Variants in RBM33 observed in about 807,000 individuals in gnomAD.
RBM33 encodes RNA binding motif protein 33, also known as RNA-binding protein 33.
A neutral mutation model predicts 132.6 loss-of-function variants in RBM33; 28 were observed. That is an observed-to-expected ratio of 0.21 (90% CI 0.16 to 0.29). The LOEUF is 0.29. Among genes scored for constraint, RBM33 ranks in the 10% least tolerant of loss-of-function variants. The probability of loss-of-function intolerance (pLI) is 1.00; values close to 1 mark genes in which losing one functional copy is unlikely to be tolerated. For missense variants in RBM33, 1,291 were observed against 1,518.5 expected, an observed-to-expected ratio of 0.85 and a Z score of 2.49; for synonymous variants, 634 against 593.0, an observed-to-expected ratio of 1.07 and a Z score of -1.01.
intron 1 of RBM33, among the ~76,000 whole-genome samples, chr7:155,652,500 G>A (rs1313009620): frequency 6.6e-6 from 1 of 152,204 alleles, no homozygotes; most frequent in African/African-American, 2.4e-5. Flanking sequence ...AATAGTCTAT[G>A]TGGTATCTTA....
chr7:155,673,796 A>ACACACACC (rs1799074511), intron 3 of RBM33, among the ~76,000 whole-genome samples: 1 of 142,800 alleles, frequency 7.0e-6, no homozygotes, highest in Admixed American at 6.8e-5. Context: ...ACACACACAC[A>ACACACACC]CACACCCCTA....
At chr7:155,708,519 G>T (rs1308323110) in intron 7 of RBM33, among the ~76,000 whole-genome samples, 1 of 152,216 alleles carries the variant, frequency 6.6e-6, no homozygotes, top group Non-Finnish European at 1.5e-5. Context: ...AAGAAGGGAA[G>T]AGCACGTATC....
intron 3 of RBM33, among the ~76,000 whole-genome samples, chr7:155,673,941 T>TTGTTGTTTGTTTTTTTTTTTG (rs796928438): frequency 4.7e-5 from 2 of 42,506 alleles, no homozygotes; most frequent in Non-Finnish European, 8.5e-5. Flanking sequence ...TTAGGCTTAG[T>TTGTTGTTTGTTTTTTTTTTTG]TTTTTTTTTT....
chr7:155,739,682 G>C, intron 11 of RBM33, 33 bp from the exon 12 acceptor site: 1 of 1,520,284 alleles, frequency 6.6e-7, no homozygotes, highest in African/African-American at 1.4e-5. Flanking sequence ...AACCATTTAT[G>C]AACTGTTGTT....
chr7:155,694,183 A>G (rs1431134428), intron 5 of RBM33, among the ~76,000 whole-genome samples: 1 of 152,204 alleles, frequency 6.6e-6, no homozygotes, highest in African/African-American at 2.4e-5. Context: ...TTAATTGAAA[A>G]GCCTATTTTA....
chr7:155,751,294 C>T (rs1340491351), intron 14 of RBM33, among the ~76,000 whole-genome samples: 3 of 152,184 alleles, frequency 2.0e-5, no homozygotes, highest in Admixed American at 6.5e-5. Context: ...TTTCCCAAAC[C>T]TTTGAGAGTA....
At chr7:155,735,349 C>T (rs563081472) in intron 9 of RBM33, among the ~76,000 whole-genome samples, 32 of 152,270 alleles carry the variant, frequency 2.1e-4, no homozygotes, top group Non-Finnish European at 3.4e-4. Flanking sequence ...CAGTATGTAA[C>T]GGCGTGTGCT....
chr7:155,742,152 C>T (rs781022081), intron 13 of RBM33, 46 bp downstream of exon 13: 12 of 1,527,142 alleles, frequency 7.9e-6, no homozygotes, highest in South Asian at 1.2e-5. Context: ...AAACAAGAAG[C>T]CTTAGAATCA....
rs1790990443 is a variant in RBM33 at position 155,737,524 on chromosome 7, C to T, written c.1261-6C>T. 6.3e-7 allele frequency: 1 copy of T among 1,589,986 alleles called. No individual in the cohort carries two copies. Among genetic ancestry groups the T allele is most frequent in the African/African-American group, 1.4e-5 (1 of 73,580 alleles). ...CTGTTTCTCTGTTGTTGTTGTTGTT[C>T]TTTAGGGCCCTCCAGAATTTCCACA... On this transcript the variant is annotated splice_region_variant and splice_polypyrimidine_tract_variant and intron_variant, in intron 9 of 17. Coordinates refer to ENST00000401878, the MANE Select transcript of RBM33 (RefSeq NM_053043.3).
At chr7:155,716,314 C>CCGGTTTTTTTTT (rs1226140340) in intron 8 of RBM33, among the ~76,000 whole-genome samples, 1 of 43,576 alleles carries the variant, frequency 2.3e-5, no homozygotes, top group African/African-American at 1.4e-4. Context: ...TCCTTTTCTG[C>CCGGTTTTTTTTT]TGTTTTTTTT....
intron 2 of RBM33, among the ~76,000 whole-genome samples, chr7:155,671,591 T>G (rs1798943738): frequency 6.6e-6 from 1 of 152,238 alleles, no homozygotes; most frequent in Non-Finnish European, 1.5e-5. Flanking sequence ...AGTGGCATGC[T>G]AAAAATAAAC....
chr7:155,735,715 CT>C (rs1563166941), intron 9 of RBM33, among the ~76,000 whole-genome samples: 20 of 93,602 alleles, frequency 2.1e-4, no homozygotes, highest in East Asian at 1.2e-3. Context: ...CTCTCTCTCT[CT>C]CTGTCTCTCT....
chr7:155,702,717 G>A (rs774991584), intron 6 of RBM33, among the ~76,000 whole-genome samples: 1 of 152,166 alleles, frequency 6.6e-6, no homozygotes, highest in South Asian at 2.1e-4. Flanking sequence ...CCACCACCTG[G>A]AAGGCATAAA....
chr7:155,669,269 A>T (rs1004290260), intron 2 of RBM33, among the ~76,000 whole-genome samples: 4 of 152,156 alleles, frequency 2.6e-5, no homozygotes, highest in African/African-American at 9.7e-5. Flanking sequence ...TGCTGAACCA[A>T]CACCTGAAAT....
At chr7:155,737,417 C>T (rs1211237121) in intron 9 of RBM33, 113 bp from the exon 10 acceptor site, 15 of 1,015,006 alleles carry the variant, frequency 1.5e-5, no homozygotes, top group Admixed American at 1.3e-4. Context: ...TGTTAGGAGA[C>T]ACGTTACTTG....
chr7:155,741,966 C>G lies in RBM33; in HGVS notation c.2197C>G (p.Gln733Glu). 5.0e-6 allele frequency: 8 copies of G among 1,614,004 alleles called. No homozygotes were observed. Among genetic ancestry groups the G allele is most frequent in the Non-Finnish European group, 6.8e-6 (8 of 1,179,888 alleles). ...CCGCTGCTCTGCCACGCCCTCAGCA[C>G]AAGTGAAACCTATCGTCAGCGCGTC... is the stretch of plus-strand genomic sequence containing the variant. ...SSRCSATPSA[Q>E]VKPIVSASPP... The change falls in exon 13 of 18, where the codon CAA (glutamine) becomes GAA (glutamate). Residue 733 changes from glutamine (Q) to glutamate (E), a missense_variant. Gln to Glu is a conservative substitution (Grantham distance 29, BLOSUM62 2). This residue lies in a region of RBM33 where 841 missense variants were observed against 912.0 expected (regional missense o/e 0.92). Transcript: ENST00000401878.
intron 7 of RBM33, 114 bp from the exon 8 acceptor site, chr7:155,711,089 C>G (rs59471694): frequency 7.3e-7 from 1 of 1,362,416 alleles, no homozygotes; most frequent in African/African-American, 1.5e-5. Context: ...TTAAAAAATG[C>G]AATCAGTGTA....
At chr7:155,650,919 G>C (rs1171369306) in intron 1 of RBM33, among the ~76,000 whole-genome samples, 1 of 152,132 alleles carries the variant, frequency 6.6e-6, no homozygotes, top group Non-Finnish European at 1.5e-5. Flanking sequence ...CTATCGCCCA[G>C]GCTGGAGTGT....
intron 5 of RBM33, among the ~76,000 whole-genome samples, chr7:155,684,591 CT>C (rs1799420885): frequency 6.6e-6 from 1 of 152,182 alleles, no homozygotes; most frequent in Non-Finnish European, 1.5e-5. Flanking sequence ...CCCCCTTCTG[CT>C]GCTGAGCTCC....
Sources: allele counts gnomAD v4.1 joint callset (sites outside exome capture counted in the v4.1 genomes callset), GRCh38; gene constraint gnomAD v4.1.1; regional missense constraint gnomAD v4.1.1; transcripts MANE v1.5; gene names NCBI Gene and HGNC (gene_info 2026-07-23, HGNC 2026-07-21).